Variants in WFS1 observed in about 807,000 individuals in gnomAD.
WFS1 encodes the protein wolframin.
A neutral mutation model predicts 68.5 loss-of-function variants in WFS1; 90 were observed. The ratio of observed to expected loss-of-function variants is 1.31; its 90% CI spans 1.11 to 1.56. The LOEUF is 1.56. WFS1 is among the 40% of genes most tolerant of loss of function. WFS1 has a pLI of 0.00. For synonymous variants in WFS1, 860 were observed against 540.7 expected, an observed-to-expected ratio of 1.59 and a Z score of -8.19; for missense variants, 1,767 against 1,232.6, an observed-to-expected ratio of 1.43 and a Z score of -6.49.
In WFS1 at chr4:6,301,284, G is replaced by A; in HGVS notation, c.1489G>A (p.Val497Ile). ...CATCACCGTGCCTGTCGGCCACCTG[G>A]TCGTCCTCAACGTCAGCGTCCCGTG... ...TFITVPVGHLVVLNVSVPCLL... is the reference protein window; with the variant it reads ...TFITVPVGHLIVLNVSVPCLL... The change falls in exon 8 of 8, where the codon GTC becomes ATC. Residue 497 changes from valine (V) to isoleucine (I), a missense_variant. Physicochemically the swap from Val to Ile is conservative, Grantham distance 29. Coordinates refer to ENST00000226760, the MANE Select transcript of WFS1 (RefSeq NM_006005.3). The A allele has an allele frequency of 3.1e-6, 5 of 1,611,450 alleles. No homozygotes were observed. Among genetic ancestry groups the A allele is most frequent in the Non-Finnish European group, 4.2e-6 (5 of 1,180,014 alleles).
rs545905196 is a variant in WFS1 at position 6,277,892 on chromosome 4, C to T, written c.232+205C>T. 3.9e-5 allele frequency among the ~76,000 whole-genome samples: 6 copies of T among 152,370 alleles called. No individual in the cohort carries two copies. The South Asian group carries it at 1.0e-3, about 26-fold the overall frequency. On this transcript the variant is annotated intron_variant, in intron 2 of 7. Transcript: ENST00000226760. Reference sequence around the variant, plus strand: ...ACCTGTCACCTTTGTGGCACCCACTCGAGGTGGTGCTGGTGCCCCCACTCC... The same window carrying T: ...ACCTGTCACCTTTGTGGCACCCACTTGAGGTGGTGCTGGTGCCCCCACTCC...
chr4:6,280,056 G>T (rs536674871), intron 2 of WFS1, among the ~76,000 whole-genome samples: 2 of 152,326 alleles, frequency 1.3e-5, no homozygotes, highest in African/African-American at 4.8e-5. Flanking sequence ...AAGCTCAGGG[G>T]CTCCTGGGCC....
At chr4:6,285,929 T>C (rs1730298010) in intron 2 of WFS1, among the ~76,000 whole-genome samples, 1 of 152,216 alleles carries the variant, frequency 6.6e-6, no homozygotes, top group Admixed American at 6.5e-5. Flanking sequence ...GGAAGTAAAA[T>C]GCAGCACAAA....
At chr4:6,270,305 C>A (rs1166251136) in intron 1 of WFS1, among the ~76,000 whole-genome samples, 1 of 151,552 alleles carries the variant, frequency 6.6e-6, no homozygotes, top group Non-Finnish European at 1.5e-5. Context: ...GGACAGCAGG[C>A]CCGAGAGGCG....
At position 6,291,636 on chromosome 4, in the gene WFS1, A is replaced by C. The variant is rs926088175; in HGVS notation, c.631+269A>C. Among the ~76,000 whole-genome samples, 4 of 152,176 alleles carry C rather than the reference A, an allele frequency of 2.6e-5. No individual in the cohort carries two copies. In the South Asian group the frequency reaches 8.3e-4, roughly 31 times the overall value. The stretch of plus-strand genomic sequence containing the variant: ...AGTGCTCACTCATTGAATAAACCAG[A>C]GGGTATTCTGCCCAGTGCTCTGTGA... On this transcript the variant is annotated intron_variant, in intron 5 of 7. Transcript: ENST00000226760.
Position 6,271,762 on chromosome 4 carries a change from G to A in WFS1, c.-6+1748G>A, listed in dbSNP as rs142963526. On this transcript the variant is annotated intron_variant, in intron 1 of 7. Coordinates refer to ENST00000226760, the MANE Select transcript of WFS1 (RefSeq NM_006005.3). Reference sequence around the variant, plus strand: ...CCAGGCTCCTCCCTGGTCCCGATCCGGGCCTGGCTGCACGCAGCCCTGCTG... The same window carrying A: ...CCAGGCTCCTCCCTGGTCCCGATCCAGGCCTGGCTGCACGCAGCCCTGCTG... 2.5e-3 allele frequency among the ~76,000 whole-genome samples: 383 copies of A among 152,276 alleles called. 1 individual carries two copies. The highest frequency in any genetic ancestry group is 8.5e-3 in the African/African-American group (352 of 41,578).
Position 6,302,397 on chromosome 4 carries a change from C to T in WFS1, c.2602C>T (p.Arg868Cys), listed in dbSNP as rs148611943. The part of the protein sequence containing the change: ...RRHVKIEHDW[R>C]STVHGAVKFA... ...GCACGTGAAGATCGAGCACGACTGG[C>T]GCAGCACCGTGCATGGCGCCGTGAA... The change falls in exon 8 of 8, where the codon CGC becomes TGC. Residue 868 changes from arginine to cysteine, a missense_variant. Arg to Cys is a radical substitution (Grantham distance 180). Transcript: ENST00000226760. The T allele has an allele frequency of 3.0e-5, 48 of 1,613,126 alleles. No homozygotes were observed. Among genetic ancestry groups the T allele is most frequent in the Middle Eastern group, 3.3e-4 (2 of 6,062 alleles).
At chr4:6,296,624 A>G (rs531951533) in intron 7 of WFS1, among the ~76,000 whole-genome samples, 20 of 152,332 alleles carry the variant, frequency 1.3e-4, no homozygotes, top group African/African-American at 4.3e-4. Flanking sequence ...CACTCCCGAA[A>G]TGAGAGTGAG....
chr4:6,301,235 C>T lies in WFS1; in HGVS notation c.1440C>T (p.Tyr480=), dbSNP rs750405912. 4.3e-6 allele frequency: 7 copies of T among 1,611,622 alleles called. No individual in the cohort carries two copies. Among genetic ancestry groups the T allele is most frequent in the African/African-American group, 2.7e-5 (2 of 74,936 alleles). ...CCTCCATGCCCTTGAATTGGCCCTACCTGAAGGTCCTTGGCCAGACCTTCA... is the reference window on the plus strand; with the variant it reads ...CCTCCATGCCCTTGAATTGGCCCTATCTGAAGGTCCTTGGCCAGACCTTCA... ...LLPSMPLNWP[Y]LKVLGQTFIT... The change falls in exon 8 of 8, where the codon TAC becomes TAT. Residue 480 remains tyrosine, a synonymous_variant. Coordinates refer to ENST00000226760, the MANE Select transcript of WFS1 (RefSeq NM_006005.3).
At chr4:6,281,672 G>T (rs1730171897) in intron 2 of WFS1, among the ~76,000 whole-genome samples, 1 of 152,116 alleles carries the variant, frequency 6.6e-6, no homozygotes, top group African/African-American at 2.4e-5. Context: ...GCCCAGGAGG[G>T]ACTGGGGCTC....
At chr4:6,280,420 A>G (rs1044950134) in intron 2 of WFS1, among the ~76,000 whole-genome samples, 1 of 152,134 alleles carries the variant, frequency 6.6e-6, no homozygotes, top group African/African-American at 2.4e-5. Context: ...CAAGAGAATA[A>G]AGCTGGGCTT....
intron 2 of WFS1, among the ~76,000 whole-genome samples, chr4:6,281,803 C>G (rs1021863464): frequency 6.6e-6 from 1 of 152,146 alleles, no homozygotes; most frequent in Non-Finnish European, 1.5e-5. Flanking sequence ...TGTTCTTTAT[C>G]CTGACCTGGC....
Position 6,301,644 on chromosome 4 carries a change from A to C in WFS1, c.1849A>C (p.Ser617Arg), listed in dbSNP as rs1560420354. ...PLLLRWWTKA[S>R]FSVVGMVKSL... ...GCTGTTGCGCTGGTGGACCAAGGCCAGCTTCTCTGTGGTGGGGATGGTGAA... is the reference window on the plus strand; with the variant it reads ...GCTGTTGCGCTGGTGGACCAAGGCCCGCTTCTCTGTGGTGGGGATGGTGAA... Residue 617 changes from serine (S) to arginine (R), a missense_variant, in exon 8 of 8, where the codon AGC (serine) becomes CGC (arginine). Physicochemically the swap from Ser to Arg is moderately radical, Grantham distance 110. Coordinates refer to ENST00000226760, the MANE Select transcript of WFS1 (RefSeq NM_006005.3). 1 of 1,613,986 alleles carries C rather than the reference A, an allele frequency of 6.2e-7. No individual in the cohort carries two copies. The highest frequency in any genetic ancestry group is 8.5e-7 in the Non-Finnish European group (1 of 1,179,956).
intron 2 of WFS1, among the ~76,000 whole-genome samples, chr4:6,282,012 G>T (rs1008646863): frequency 1.3e-5 from 2 of 152,192 alleles, no homozygotes; most frequent in African/African-American, 4.8e-5. Flanking sequence ...CAACTCTCAT[G>T]GGTGGACGTG....
At position 6,269,945 on chromosome 4, in the gene WFS1, C is replaced by G. The variant is rs945801874; in HGVS notation, c.-75C>G. 1 of 152,198 alleles carries G rather than the reference C, an allele frequency of 6.6e-6. No homozygotes were observed. Among genetic ancestry groups the G allele is most frequent in the Non-Finnish European group, 1.5e-5 (1 of 68,056 alleles). 9.4% of individuals were successfully genotyped at this position (152,198 alleles called of 1,614,324 possible). A position where few individuals can be genotyped will look rare whatever the true frequency, so the allele number is the denominator to read the frequency against. On this transcript the variant is annotated 5_prime_UTR_variant, in exon 1 of 8. Coordinates refer to ENST00000226760, the MANE Select transcript of WFS1 (RefSeq NM_006005.3). ...CGTTTGCGCCGCGTTCAGCTGCTCC[C>G]GAACAACTTTTCTGCCGGCCCAGAG... is the stretch of plus-strand genomic sequence containing the variant.
intron 6 of WFS1, 143 bp downstream of exon 6, chr4:6,292,140 C>T: frequency 1.2e-6 from 1 of 834,766 alleles, no homozygotes; most frequent in Non-Finnish European, 2.0e-6. Flanking sequence ...ACCTCTCCTT[C>T]CTGTGCGACC....
rs201557396 is a variant in WFS1 at position 6,301,351 on chromosome 4, C to T, written c.1556C>T (p.Ala519Val). The part of the protein sequence containing the change: ...VYLLYLFFRM[A>V]QLRNFKGTYC... ...CTGCTCTATCTCTTCTTCCGCATGGCACAGCTGAGGAATTTCAAGGGCACC... is the reference window on the plus strand; with the variant it reads ...CTGCTCTATCTCTTCTTCCGCATGGTACAGCTGAGGAATTTCAAGGGCACC... Residue 519 changes from alanine (A) to valine (V), a missense_variant, in exon 8 of 8, where the codon GCA becomes GTA. By Grantham distance (64) the Ala-to-Val change is moderately conservative (BLOSUM62 0). Coordinates refer to ENST00000226760, the MANE Select transcript of WFS1 (RefSeq NM_006005.3). 6.2e-6 allele frequency: 10 copies of T among 1,612,426 alleles called. No individual in the cohort carries two copies. In the Admixed American group the frequency reaches 6.7e-5, roughly 11 times the overall value.
rs1262369721 is a variant in WFS1 at position 6,302,074 on chromosome 4, T to G, written c.2279T>G (p.Leu760Arg). ...AEEELCRLKL[L>R]AKHPCHIKKF... ...GAGGAGCTCTGTCGCCTTAAGCTGC[T>G]GGCCAAGCACCCCTGCCACATCAAG... Residue 760 changes from leucine (L) to arginine (R), a missense_variant, in exon 8 of 8, where the codon CTG becomes CGG. Coordinates refer to ENST00000226760, the MANE Select transcript of WFS1 (RefSeq NM_006005.3). 6.2e-7 allele frequency: 1 copy of G among 1,612,876 alleles called. No homozygotes were observed. The highest frequency in any genetic ancestry group is 8.5e-7 in the Non-Finnish European group (1 of 1,180,006).
chr4:6,300,619 T>TGTCCCAG, intron 7 of WFS1, 38 bp from the exon 8 acceptor site: 1 of 1,613,362 alleles, frequency 6.2e-7, no homozygotes, highest in Non-Finnish European at 8.5e-7. Context: ...GTGGGGGTCC[T>TGTCCCAG]GTCCCAGCCT....
Sources: gnomAD v4.1 joint callset for allele counts (sites outside exome capture counted in the v4.1 genomes callset) on GRCh38, gnomAD v4.1.1 for gene constraint, MANE v1.5 for transcripts, NCBI Gene and HGNC (gene_info 2026-07-23, HGNC 2026-07-21) for gene names.